The following PLEKHA8 variants were observed in gnomAD, a reference collection of about 807,000 sequenced individuals.
PLEKHA8 encodes pleckstrin homology domain-containing family A member 8.
A neutral mutation model predicts 68.2 loss-of-function variants in PLEKHA8; 36 were observed. The ratio of observed to expected loss-of-function variants is 0.53; its 90% CI spans 0.40 to 0.70. PLEKHA8 has a LOEUF of 0.70. Ranked by LOEUF, PLEKHA8 falls within the 30% of genes least tolerant of loss-of-function variation. The pLI, the probability that PLEKHA8 is intolerant of heterozygous loss-of-function variation, is 0.00. For missense variants in PLEKHA8, 505 were observed against 615.4 expected, an observed-to-expected ratio of 0.82 and a Z score of 1.90; for synonymous variants, 211 against 216.1, an observed-to-expected ratio of 0.98 and a Z score of 0.20.
intron 13 of PLEKHA8, among the ~76,000 whole-genome samples, chr7:30,117,005 G>A (rs910664733): frequency 6.6e-6 from 1 of 152,212 alleles, no homozygotes. Context: ...ACTTGGTCTT[G>A]CAAATGTAGG....
chr7:30,072,729 G>GTGGTAGTACT (rs777642826), intron 12 of PLEKHA8, among the ~76,000 whole-genome samples: 13 of 152,184 alleles, frequency 8.5e-5, no homozygotes, highest in Non-Finnish European at 1.9e-4. Flanking sequence ...TCATGAAATG[G>GTGGTAGTACT]TGGTAGTACT....
rs542307623 is a variant in PLEKHA8, at chr7:30,028,549, G to A, written c.-214G>A. 7.9e-6 allele frequency: 3 copies of A among 377,696 alleles called. 1 individual carries two copies. The highest frequency in any genetic ancestry group is 2.9e-4 in the South Asian group (2 of 6,944). The allele number at this position is 377,696 out of a possible 1,614,324, so 23.4% of individuals were successfully genotyped here. A position where few individuals can be genotyped will look rare whatever the true frequency, so the allele number is the denominator to read the frequency against. The stretch of plus-strand genomic sequence containing the variant: ...GCCGGCTTCGCCCCACGGGTTCACC[G>A]GCTGGCTGGGCTTCAAGCGCCGAGG... On this transcript the variant is annotated 5_prime_UTR_variant, in exon 1 of 14. Coordinates refer to ENST00000449726, the MANE Select transcript of PLEKHA8 (RefSeq NM_001197026.2).
chr7:30,065,408 CCT>C lies in PLEKHA8; in HGVS notation c.1300+2667_1300+2668del, dbSNP rs553950602. Among the ~76,000 whole-genome samples, 32 of 152,160 alleles carry C rather than the reference CCT, an allele frequency of 2.1e-4. No homozygotes were observed. The East Asian group carries it at 6.0e-3, about 29-fold the overall frequency. On this transcript the variant is annotated intron_variant, in intron 12 of 13. Transcript: ENST00000449726. ...AAACCCACCCTCCCTCCAAAGTTCC[CCT>C]GTTAAACCCACCCTCCCCTCCCACA...
downstream of PLEKHA8, chr7:30,090,788 A>G (rs1795384600): frequency 1.3e-5 from 4 of 303,222 alleles, no homozygotes; most frequent in East Asian, 6.9e-4. Context: ...CTTAAATACG[A>G]GCCAATTAGC....
intron 1 of PLEKHA8, among the ~76,000 whole-genome samples, chr7:30,041,419 AT>A (rs59541222): frequency 0.51 from 60,936 of 119,816 alleles, 13,307 homozygotes; most frequent in East Asian, 0.72. Context: ...TACCAGCTAC[AT>A]TTTTTTTTTT....
chr7:30,102,175 A>G (rs1297999247), intron 13 of PLEKHA8, among the ~76,000 whole-genome samples: 1 of 152,232 alleles, frequency 6.6e-6, no homozygotes, highest in Non-Finnish European at 1.5e-5. Context: ...CAATAAGCAC[A>G]TGAAAAGGTG....
chr7:30,107,727 A>G (rs1796114382), intron 13 of PLEKHA8, among the ~76,000 whole-genome samples: 1 of 152,178 alleles, frequency 6.6e-6, no homozygotes, highest in Non-Finnish European at 1.5e-5. Context: ...TGCTTTCTCC[A>G]TCTAGTTTAC....
At chr7:30,121,129 G>T (rs1228341406) in intron 13 of PLEKHA8, among the ~76,000 whole-genome samples, 1 of 151,860 alleles carries the variant, frequency 6.6e-6, no homozygotes, top group South Asian at 2.1e-4. Flanking sequence ...GCAGTGGCAG[G>T]GTTCCACGTG....
intron 13 of PLEKHA8, chr7:30,118,018 C>T: frequency 6.6e-7 from 1 of 1,525,842 alleles, no homozygotes; most frequent in Admixed American, 2.0e-5. Context: ...CACTCAGAAT[C>T]AGGCGGGTGC....
rs1792661099 is a variant in PLEKHA8 at position 30,054,384 on chromosome 7, T to TAC, written c.797-324_797-323insCA. On this transcript the variant is annotated intron_variant, in intron 7 of 13. Coordinates refer to ENST00000449726, the MANE Select transcript of PLEKHA8 (RefSeq NM_001197026.2). ...TAATAATGAGTAGTGATTGTATTTA[T>TAC]AATTGTAAAATTTTGGAAGCTACCT... 3.3e-5 allele frequency among the ~76,000 whole-genome samples: 5 copies of TAC among 152,358 alleles called. No homozygotes were observed. The South Asian group carries it at 1.0e-3, about 32-fold the overall frequency.
At chr7:30,105,311 TAAAAAA>T (rs59891172) in intron 13 of PLEKHA8, among the ~76,000 whole-genome samples, 43 of 53,744 alleles carry the variant, frequency 8.0e-4, no homozygotes, top group African/African-American at 2.3e-3. Flanking sequence ...TCTCTATAAT[TAAAAAA>T]AAAAAAAAAA....
intron 13 of PLEKHA8, among the ~76,000 whole-genome samples, chr7:30,099,184 A>G (rs1480501108): frequency 1.3e-5 from 2 of 152,208 alleles, no homozygotes; most frequent in East Asian, 1.9e-4. Flanking sequence ...CCCCTTATCA[A>G]TTCCCTGCAT....
At chr7:30,060,364 G>C (rs1482897549) in intron 9 of PLEKHA8, among the ~76,000 whole-genome samples, 1 of 152,004 alleles carries the variant, frequency 6.6e-6, no homozygotes, top group Non-Finnish European at 1.5e-5. Context: ...CTTGAACCTG[G>C]GAGGTGGAGG....
At chr7:30,115,932 GTATA>G (rs879320374) in intron 13 of PLEKHA8, 4,167 of 118,934 alleles carry the variant, frequency 0.035, 336 homozygotes, top group Middle Eastern at 0.055. Context: ...GTACATACAT[GTATA>G]CATGCACACA....
chr7:30,041,316 A>G (rs756181337), intron 1 of PLEKHA8, among the ~76,000 whole-genome samples: 3 of 152,212 alleles, frequency 2.0e-5, no homozygotes, highest in Admixed American at 6.5e-5. Flanking sequence ...TAAAATTGCC[A>G]TATATTGAAC....
intron 13 of PLEKHA8, among the ~76,000 whole-genome samples, chr7:30,108,093 C>CAAAAAAAAAT (rs1554281892): frequency 8.5e-6 from 1 of 118,186 alleles, no homozygotes. Context: ...AAAAAAAAAA[C>CAAAAAAAAAT]CTACATTCAT....
chr7:30,082,864 G>C lies in PLEKHA8; in HGVS notation c.*4077G>C, dbSNP rs1207037946. ...TAGACGATGATGCGAGGCATTTGGG[G>C]AGCTTCCTGGAGGAAAATTAAGTTT... On this transcript the variant is annotated 3_prime_UTR_variant, in exon 14 of 14. Transcript: ENST00000449726. 1.0e-6 allele frequency: 1 copy of C among 985,178 alleles called. No individual in the cohort carries two copies. Among genetic ancestry groups the C allele is most frequent in the Non-Finnish European group, 1.2e-6 (1 of 829,914 alleles). The allele number at this position is 985,178 out of a possible 1,614,324, so 61.0% of individuals were successfully genotyped here.
chr7:30,114,437 T>C (rs928134458), intron 13 of PLEKHA8, among the ~76,000 whole-genome samples: 3 of 152,260 alleles, frequency 2.0e-5, no homozygotes, highest in African/African-American at 7.2e-5. Context: ...CCCAGCACTT[T>C]AGCTTCAGTT....
rs1370127281 is a variant in PLEKHA8, at chr7:30,028,738, C to A, written c.-25C>A. The A allele has an allele frequency of 3.2e-6, 4 of 1,252,988 alleles. No individual in the cohort carries two copies. Among genetic ancestry groups the A allele is most frequent in the Non-Finnish European group, 3.0e-6 (3 of 991,786 alleles). 77.6% of individuals were successfully genotyped at this position (1,252,988 alleles called of 1,614,324 possible). A position where few individuals can be genotyped will look rare whatever the true frequency, so the allele number is the denominator to read the frequency against. On this transcript the variant is annotated 5_prime_UTR_variant, in exon 1 of 14. Transcript: ENST00000449726. ...CTGGGGCAGTGAGGGGGCCGGCGGG[C>A]GTGGGCCGAGTGGCCGCGGGCGCCA...
Sources: gnomAD v4.1 joint callset for allele counts (sites outside exome capture counted in the v4.1 genomes callset) on GRCh38, gnomAD v4.1.1 for gene constraint, MANE v1.5 for transcripts, NCBI Gene and HGNC (gene_info 2026-07-23, HGNC 2026-07-21) for gene names.